Variants in APIP observed in about 807,000 individuals in gnomAD.
The protein encoded by APIP is APAF1 interacting protein.
In APIP, 32 loss-of-function variants were observed where a neutral mutation model predicts 32.0. The ratio of observed to expected loss-of-function variants is 1.00; its 90% CI spans 0.76 to 1.34. The LOEUF is 1.34. Ranked by LOEUF, APIP falls within the 40% of genes most tolerant of loss-of-function variation. APIP has a pLI of 0.00. For missense variants in APIP, 247 were observed against 298.6 expected (o/e 0.83, Z 1.27); for synonymous variants, 92 against 94.8 (o/e 0.97, Z 0.17).
intron 1 of APIP, among the ~76,000 whole-genome samples, chr11:34,897,017 A>G (rs1340364032): frequency 6.6e-6 from 1 of 152,230 alleles, no homozygotes; most frequent in Non-Finnish European, 1.5e-5. Context: ...ATGCCTTTAC[A>G]GATCCGGTCA....
intron 1 of APIP, chr11:34,896,753 G>A: frequency 7.9e-7 from 1 of 1,266,314 alleles, no homozygotes; most frequent in Middle Eastern, 2.1e-4. Context: ...AAAGGAAAAT[G>A]AGACTACCTG....
Position 34,888,844 on chromosome 11 carries a change from A to G in APIP, c.233T>C (p.Ile78Thr). ...IQPEDMFVCD[I>T]NEKDISGPSP... Reference sequence around the variant, plus strand: ...AGGTCCACTTATGTCCTTTTCATTTATATCACAAACAAACATGTCTTCAGG... The same window carrying G: ...AGGTCCACTTATGTCCTTTTCATTTGTATCACAAACAAACATGTCTTCAGG... Residue 78 changes from isoleucine (I) to threonine (T), a missense_variant, in exon 4 of 7, where the codon ATA becomes ACA. Ile to Thr is a moderately conservative substitution (Grantham distance 89). Coordinates refer to ENST00000395787, the MANE Select transcript of APIP (RefSeq NM_015957.4). 1 of 1,500,838 alleles carries G rather than the reference A, an allele frequency of 6.7e-7. No individual in the cohort carries two copies. The highest frequency in any genetic ancestry group is 8.8e-7 in the Non-Finnish European group (1 of 1,135,400). The allele number at this position is 1,500,838 out of a possible 1,614,324, so 93.0% of individuals were successfully genotyped here.
At chr11:34,888,652 TG>T in intron 4 of APIP, 99 bp downstream of exon 4, 1 of 1,155,094 alleles carries the variant, frequency 8.7e-7, no homozygotes, top group South Asian at 1.5e-5. Context: ...TTCTTGCACA[TG>T]GTGGGTATCC....
At chr11:34,899,795 C>T (rs1853345039) in intron 1 of APIP, among the ~76,000 whole-genome samples, 2 of 152,118 alleles carry the variant, frequency 1.3e-5, no homozygotes, top group South Asian at 4.2e-4. Flanking sequence ...GGAGGTGGGA[C>T]CTAGGAACTA....
At position 34,891,582 on chromosome 11, in the gene APIP, G is replaced by A. The variant is rs570354404; in HGVS notation, c.159-1030C>T. Among the ~76,000 whole-genome samples, 16 of 152,270 alleles carry A rather than the reference G, an allele frequency of 1.1e-4. No individual in the cohort carries two copies. In the South Asian group the frequency reaches 2.9e-3, roughly 28 times the overall value. ...ATACCAAGCTGCTGAAGTTCAGGTT[G>A]CTAATAAACCTGTAGGCTTGGAACC... On this transcript the variant is annotated intron_variant, in intron 2 of 6. Coordinates refer to ENST00000395787, the MANE Select transcript of APIP (RefSeq NM_015957.4).
intron 4 of APIP, 102 bp from the exon 5 acceptor site, chr11:34,888,530 G>A (rs1571134): frequency 0.67 from 1,002,919 of 1,500,198 alleles, 338,440 homozygotes; most frequent in East Asian, 0.73. Flanking sequence ...ATATGGTTAT[G>A]GGCTTATTTT....
In APIP at chr11:34,899,807, C is replaced by T. The variant is rs563935436; in HGVS notation, c.58-4697G>A. On this transcript the variant is annotated intron_variant, in intron 1 of 6. Transcript: ENST00000395787. The stretch of plus-strand genomic sequence containing the variant: ...CAGGGAGGTGGGACCTAGGAACTAG[C>T]GAGGGAAAATAGTTGGGGGACGCCC... Among the ~76,000 whole-genome samples, 20 of 152,240 alleles carry T rather than the reference C, an allele frequency of 1.3e-4. No homozygotes were observed. The South Asian group carries it at 2.7e-3, about 21-fold the overall frequency.
intron 1 of APIP, among the ~76,000 whole-genome samples, chr11:34,903,369 C>A (rs900427695): frequency 7.2e-5 from 11 of 152,210 alleles, no homozygotes; most frequent in Non-Finnish European, 1.3e-4. Context: ...TCCCTCCAGG[C>A]ACAAGTGCTC....
chr11:34,907,737 G>A (rs1853481611), intron 1 of APIP, among the ~76,000 whole-genome samples: 1 of 152,150 alleles, frequency 6.6e-6, no homozygotes, highest in Non-Finnish European at 1.5e-5. Flanking sequence ...TTTGAAATGT[G>A]TATCTAAAGA....
intron 1 of APIP, among the ~76,000 whole-genome samples, chr11:34,908,830 T>A (rs1283215795): frequency 6.6e-6 from 1 of 152,058 alleles, no homozygotes; most frequent in Non-Finnish European, 1.5e-5. Flanking sequence ...TAGCTGGAAG[T>A]GGTTATAAAT....
Position 34,883,506 on chromosome 11 carries a change from T to C in APIP, c.462-2A>G, listed in dbSNP as rs1853007084. 1.2e-6 allele frequency: 2 copies of C among 1,611,778 alleles called. No individual in the cohort carries two copies. Among genetic ancestry groups the C allele is most frequent in the Admixed American group, 1.7e-5 (1 of 59,570 alleles). ...GGTACCACTAACATATCATCATATC[T>C]GTAAGACAAAACAAGCCATTTTTTT... On this transcript the variant is annotated splice_acceptor_variant, in intron 5 of 6. Transcript: ENST00000395787. LOFTEE classifies it high-confidence loss of function.
At chr11:34,891,743 A>G (rs1047763032) in intron 2 of APIP, among the ~76,000 whole-genome samples, 2 of 152,336 alleles carry the variant, frequency 1.3e-5, no homozygotes, top group South Asian at 4.1e-4. Flanking sequence ...TGAAGTGGCT[A>G]TTGTTTCCGA....
At position 34,882,376 on chromosome 11, in the gene APIP, T is replaced by C. The variant is rs753551494; in HGVS notation, c.*341A>G. The C allele has an allele frequency of 1.0e-4, 16 of 156,878 alleles. No individual in the cohort carries two copies. The highest frequency in any genetic ancestry group is 3.9e-4 in the Admixed American group (6 of 15,420). 9.7% of individuals were successfully genotyped at this position (156,878 alleles called of 1,614,324 possible). On this transcript the variant is annotated 3_prime_UTR_variant, in exon 7 of 7. Transcript: ENST00000395787. Reference sequence around the variant, plus strand: ...CTCATTCCACAATGAGGAAATTTTCTAATGAATTTTATTATCACCAGCATC... The same window carrying C: ...CTCATTCCACAATGAGGAAATTTTCCAATGAATTTTATTATCACCAGCATC...
intron 1 of APIP, among the ~76,000 whole-genome samples, chr11:34,912,508 T>C (rs1439455978): frequency 1.3e-5 from 2 of 152,174 alleles, no homozygotes; most frequent in Admixed American, 6.6e-5. Context: ...AAAGTATTGA[T>C]CCTAGGTGTG....
chr11:34,915,230 G>A (rs1853650740), intron 1 of APIP, among the ~76,000 whole-genome samples: 1 of 152,102 alleles, frequency 6.6e-6, no homozygotes, highest in Non-Finnish European at 1.5e-5. Context: ...CACTTGCCCA[G>A]GAACGATCTC....
At chr11:34,910,469 C>T (rs768070228) in intron 1 of APIP, among the ~76,000 whole-genome samples, 6 of 151,918 alleles carry the variant, frequency 3.9e-5, no homozygotes, top group Admixed American at 6.5e-5. Context: ...TACATGCTAA[C>T]GGGTAACATG....
chr11:34,905,555 C>T (rs1853435277), intron 1 of APIP, among the ~76,000 whole-genome samples: 1 of 152,212 alleles, frequency 6.6e-6, no homozygotes, highest in Non-Finnish European at 1.5e-5. Flanking sequence ...AAATGCCTCT[C>T]TCTGCTTTAA....
At chr11:34,888,091 T>C (rs1385218142) in intron 5 of APIP, among the ~76,000 whole-genome samples, 2 of 152,042 alleles carry the variant, frequency 1.3e-5, no homozygotes, top group Non-Finnish European at 2.9e-5. Context: ...TAATTTACCA[T>C]GGCTGGGGTA....
chr11:34,916,065 C>T, intron 1 of APIP, 163 bp downstream of exon 1: 1 of 940,574 alleles, frequency 1.1e-6, no homozygotes, highest in Non-Finnish European at 1.5e-6. Context: ...GCCTTGCTTC[C>T]GAACGCCAAG....
Sources: gnomAD v4.1 joint callset for allele counts (sites outside exome capture counted in the v4.1 genomes callset) on GRCh38, gnomAD v4.1.1 for gene constraint, MANE v1.5 for transcripts, NCBI Gene and HGNC (gene_info 2026-07-23, HGNC 2026-07-21) for gene names.